The following SLC16A12 variants were observed in gnomAD, a reference collection of about 807,000 sequenced individuals.
The protein encoded by SLC16A12 is monocarboxylate transporter 12.
Under a neutral mutation model 42.4 loss-of-function variants are expected in SLC16A12, and 17 were observed. The observed-to-expected ratio is 0.40, with a 90% CI of 0.27 to 0.60. The LOEUF (loss-of-function observed/expected upper bound fraction) is 0.60, where lower values mean the gene tolerates loss of function less well. Ranked by LOEUF, SLC16A12 falls within the 20% of genes least tolerant of loss-of-function variation. The pLI, the probability that SLC16A12 is intolerant of heterozygous loss-of-function variation, is 0.42. For synonymous variants in SLC16A12, 224 were observed against 229.4 expected (o/e 0.98, Z 0.21); for missense variants, 544 against 623.0 (o/e 0.87, Z 1.35).
At chr10:89,524,439 A>G (rs1037183573) in intron 2 of SLC16A12, among the ~76,000 whole-genome samples, 1 of 152,180 alleles carries the variant, frequency 6.6e-6, no homozygotes, top group African/African-American at 2.4e-5. Flanking sequence ...CAGCCATGCC[A>G]CACCATCCGA....
At position 89,466,289 on chromosome 10, in the gene SLC16A12, T is replaced by C. The variant is rs759134673; in HGVS notation, c.-46-3665A>G. 2.4e-4 allele frequency among the ~76,000 whole-genome samples: 37 copies of C among 152,336 alleles called. No homozygotes were observed. In the Middle Eastern group the frequency reaches 0.01, roughly 42 times the overall value. ...CACTCATTAATTCAATAGATATTTA[T>C]TGAGTGTCCAATATGCACTAGAAAC... is the stretch of plus-strand genomic sequence containing the variant. On this transcript the variant is annotated intron_variant, in intron 2 of 7. Coordinates refer to ENST00000371790, the MANE Select transcript of SLC16A12 (RefSeq NM_213606.4).
At chr10:89,433,457 G>T in intron 7 of SLC16A12, 131 bp from the exon 8 acceptor site, 1 of 927,488 alleles carries the variant, frequency 1.1e-6, no homozygotes, top group Non-Finnish European at 1.6e-6. Context: ...GAAACAAAAA[G>T]AGGTCACCTA....
intron 2 of SLC16A12, among the ~76,000 whole-genome samples, chr10:89,543,548 G>T (rs931000500): frequency 1.3e-5 from 2 of 152,160 alleles, no homozygotes; most frequent in Non-Finnish European, 1.5e-5. Context: ...TGCTTAGCTG[G>T]CTGGGTGCAG....
At chr10:89,554,727 C>G (rs1843798799) in intron 2 of SLC16A12, among the ~76,000 whole-genome samples, 2 of 152,156 alleles carry the variant, frequency 1.3e-5, no homozygotes, top group South Asian at 4.1e-4. Context: ...GTAGCCTGAG[C>G]TGATGAGATG....
At chr10:89,481,533 C>A (rs1329814426) in intron 2 of SLC16A12, among the ~76,000 whole-genome samples, 1 of 152,010 alleles carries the variant, frequency 6.6e-6, no homozygotes, top group Non-Finnish European at 1.5e-5. Context: ...TTCCCCCTCA[C>A]TTTTTATCTG....
At chr10:89,474,766 A>G (rs1281734440) in intron 2 of SLC16A12, among the ~76,000 whole-genome samples, 4 of 152,238 alleles carry the variant, frequency 2.6e-5, no homozygotes, top group Admixed American at 2.6e-4. Flanking sequence ...TGAATCCACC[A>G]GGCTCTGAAT....
At chr10:89,501,904 C>G (rs1842996133) in intron 2 of SLC16A12, among the ~76,000 whole-genome samples, 1 of 152,214 alleles carries the variant, frequency 6.6e-6, no homozygotes, top group African/African-American at 2.4e-5. Flanking sequence ...TATGTTATTT[C>G]ATGGCTGGAT....
intron 3 of SLC16A12, 138 bp from the exon 4 acceptor site, chr10:89,443,997 G>A (rs919655164): frequency 5.8e-6 from 4 of 686,808 alleles, no homozygotes; most frequent in African/African-American, 5.3e-5. Flanking sequence ...TGGGAAATCA[G>A]AAGCTGACCA....
At chr10:89,499,975 G>A (rs1369011790) in intron 2 of SLC16A12, among the ~76,000 whole-genome samples, 1 of 152,078 alleles carries the variant, frequency 6.6e-6, no homozygotes, top group Non-Finnish European at 1.5e-5. Flanking sequence ...TATTACAACT[G>A]ACACTACAGA....
intron 3 of SLC16A12, 49 bp from the exon 4 acceptor site, chr10:89,443,908 A>ATTT: frequency 3.3e-6 from 4 of 1,206,352 alleles, no homozygotes; most frequent in East Asian, 2.3e-5. Context: ...ATGAGCATGC[A>ATTT]TTTGAGCCAG....
intron 2 of SLC16A12, among the ~76,000 whole-genome samples, chr10:89,483,793 T>A (rs1842706873): frequency 6.7e-6 from 1 of 149,316 alleles, no homozygotes; most frequent in Admixed American, 6.6e-5. Flanking sequence ...CTGATAACAA[T>A]TAATGCTTAC....
intron 2 of SLC16A12, among the ~76,000 whole-genome samples, chr10:89,496,782 T>G (rs763509986): frequency 6.6e-6 from 1 of 152,118 alleles, no homozygotes; most frequent in Non-Finnish European, 1.5e-5. Context: ...TTGACTACCT[T>G]AAAATTAATA....
intron 2 of SLC16A12, among the ~76,000 whole-genome samples, chr10:89,526,240 C>T (rs1843449803): frequency 6.6e-6 from 1 of 151,970 alleles, no homozygotes; most frequent in South Asian, 2.1e-4. Context: ...ACTTCATTAA[C>T]CAAAATGCAC....
chr10:89,545,090 G>A (rs988680061), intron 2 of SLC16A12, among the ~76,000 whole-genome samples: 1 of 152,112 alleles, frequency 6.6e-6, no homozygotes, highest in Admixed American at 6.5e-5. Flanking sequence ...CCTGCTGGAT[G>A]AGAGGACATT....
At chr10:89,502,063 GAC>G (rs1480261620) in intron 2 of SLC16A12, among the ~76,000 whole-genome samples, 1 of 152,238 alleles carries the variant, frequency 6.6e-6, no homozygotes, top group Non-Finnish European at 1.5e-5. Flanking sequence ...TTTGGCTGCT[GAC>G]ACAGCCCAGA....
rs1841707221 is a variant in SLC16A12 at position 89,432,377 on chromosome 10, A to G, written c.*687T>C. On this transcript the variant is annotated 3_prime_UTR_variant, in exon 8 of 8. Coordinates refer to ENST00000371790, the MANE Select transcript of SLC16A12 (RefSeq NM_213606.4). The stretch of plus-strand genomic sequence containing the variant: ...AAATGGATCTTACCAGATGCCCTTT[A>G]AGATCTATTCCAACCATGGCATTCC... 6.6e-6 allele frequency: 1 copy of G among 152,230 alleles called. No homozygotes were observed. The highest frequency in any genetic ancestry group is 1.5e-5 in the Non-Finnish European group (1 of 68,046). The allele number at this position is 152,230 out of a possible 1,614,324, so 9.4% of individuals were successfully genotyped here. A position where few individuals can be genotyped will look rare whatever the true frequency, so the allele number is the denominator to read the frequency against.
chr10:89,546,804 C>T (rs1480195826), intron 2 of SLC16A12, among the ~76,000 whole-genome samples: 6 of 152,138 alleles, frequency 3.9e-5, no homozygotes, highest in Non-Finnish European at 7.3e-5. Context: ...CAATGATAGA[C>T]TGGATAAAGA....
intron 2 of SLC16A12, among the ~76,000 whole-genome samples, chr10:89,520,943 G>A (rs1843342083): frequency 6.6e-6 from 1 of 152,128 alleles, no homozygotes; most frequent in African/African-American, 2.4e-5. Flanking sequence ...ACACGTACAT[G>A]CTCAGTAAAT....
chr10:89,521,474 T>C (rs1411092486), intron 2 of SLC16A12, among the ~76,000 whole-genome samples: 4 of 152,212 alleles, frequency 2.6e-5, no homozygotes, highest in Non-Finnish European at 4.4e-5. Flanking sequence ...CAATGATATG[T>C]ACAGCTGTAC....
Sources: gnomAD v4.1 joint callset for allele counts (sites outside exome capture counted in the v4.1 genomes callset) on GRCh38, gnomAD v4.1.1 for gene constraint, MANE v1.5 for transcripts, NCBI Gene and HGNC (gene_info 2026-07-23, HGNC 2026-07-21) for gene names.